The following TTC34 variants were observed in gnomAD, a reference collection of about 807,000 sequenced individuals.
TTC34 encodes tetratricopeptide repeat domain 34.
Under a neutral mutation model 40.7 loss-of-function variants are expected in TTC34, and 44 were observed. The observed-to-expected ratio is 1.08, with a 90% CI of 0.85 to 1.39. TTC34 has a LOEUF of 1.39. TTC34 is among the 40% of genes most tolerant of loss of function. The pLI, the probability that TTC34 is intolerant of heterozygous loss-of-function variation, is 0.00. For synonymous variants in TTC34, 422 were observed against 398.6 expected, an observed-to-expected ratio of 1.06 and a Z score of -0.70; for missense variants, 884 against 838.0, an observed-to-expected ratio of 1.05 and a Z score of -0.68.
At chr1:2,748,811 G>A (rs1361358041) in intron 6 of TTC34, among the ~76,000 whole-genome samples, 2 of 147,142 alleles carry the variant, frequency 1.4e-5, no homozygotes, top group Non-Finnish European at 3.0e-5. Context: ...CCACAGGCGA[G>A]CATCTGACAG....
chr1:2,652,721 C>T (rs1639191865), intron 6 of TTC34, among the ~76,000 whole-genome samples: 1 of 151,848 alleles, frequency 6.6e-6, no homozygotes, highest in South Asian at 2.1e-4. Context: ...GAGGAGCACC[C>T]ACACCCCCAG....
exon 6 of TTC34, chr1:2,783,745 C>T (rs773168240): frequency 9.1e-6 from 14 of 1,537,304 alleles, no homozygotes; most frequent in Admixed American, 4.0e-5. Flanking sequence ...GCAGCGGGCT[C>T]GGGCAAGGAG....
In TTC34 at chr1:2,700,311, C is replaced by G. The variant is rs1199753210; in HGVS notation, c.2227-54748G>C. ...CCCACACCCCCAGGTGAGCATCCGA[C>G]AGTCTGGGGCAGCACCCACTCCCGC... is the stretch of plus-strand genomic sequence containing the variant. On this transcript the variant is annotated intron_variant, in intron 6 of 8. Transcript: ENST00000401095. Among the ~76,000 whole-genome samples, 6 of 107,388 alleles carry G rather than the reference C, an allele frequency of 5.6e-5. 1 individual carries two copies. Among genetic ancestry groups the G allele is most frequent in the Admixed American group, 1.0e-4 (1 of 9,638 alleles). The allele number at this position is 107,388 out of a possible 152,430, so 70.5% of individuals were successfully genotyped here. A position where few individuals can be genotyped will look rare whatever the true frequency, so the allele number is the denominator to read the frequency against.
intron 6 of TTC34, among the ~76,000 whole-genome samples, chr1:2,765,773 A>G (rs1641771294): frequency 2.8e-4 from 9 of 32,636 alleles, no homozygotes; most frequent in Admixed American, 6.7e-4. Flanking sequence ...TGAGCATGTG[A>G]CAGCCTGGAG....
chr1:2,686,157 A>G lies in TTC34; in HGVS notation c.2227-40594T>C, dbSNP rs1345755663. Among the ~76,000 whole-genome samples the G allele has an allele frequency of 2.3e-5, 3 of 128,770 alleles. 1 individual carries two copies. Among genetic ancestry groups the G allele is most frequent in the African/African-American group, 9.9e-5 (3 of 30,430 alleles). The allele number at this position is 128,770 out of a possible 152,430, so 84.5% of individuals were successfully genotyped here. A position where few individuals can be genotyped will look rare whatever the true frequency, so the allele number is the denominator to read the frequency against. ...CATCTGATGGTCTGGAGCAGCACGC[A>G]TAACCACAGGTGAACATCGGAGAGT... On this transcript the variant is annotated intron_variant, in intron 6 of 8. Transcript: ENST00000401095.
intron 6 of TTC34, among the ~76,000 whole-genome samples, chr1:2,694,340 G>A (rs1004808473): frequency 7.6e-6 from 1 of 131,486 alleles, no homozygotes; most frequent in Non-Finnish European, 1.6e-5. Flanking sequence ...GCCTGGAACA[G>A]CACCCACACT....
intron 6 of TTC34, among the ~76,000 whole-genome samples, chr1:2,695,901 G>A: frequency 7.0e-6 from 1 of 142,658 alleles, no homozygotes; most frequent in African/African-American, 2.6e-5. Context: ...TGACAGCCTG[G>A]GTCGGCACCC....
chr1:2,692,052 A>G (rs1308386498), intron 6 of TTC34, among the ~76,000 whole-genome samples: 317 of 89,262 alleles, frequency 3.6e-3, no homozygotes, highest in Middle Eastern at 6.8e-3. Context: ...ACAGCCTGGA[A>G]CAGCACCCAC....
intron 6 of TTC34, among the ~76,000 whole-genome samples, chr1:2,750,526 C>G (rs1418979121): frequency 8.6e-5 from 5 of 57,878 alleles, no homozygotes; most frequent in African/African-American, 1.9e-4. Context: ...CACCCACATC[C>G]CCAAGCGAGC....
At chr1:2,791,843 C>T (rs758118036) in intron 2 of TTC34, among the ~76,000 whole-genome samples, 6 of 151,836 alleles carry the variant, frequency 4.0e-5, no homozygotes, top group Admixed American at 2.6e-4. Flanking sequence ...GTTACACACA[C>T]GAGACTTTGA....
intron 6 of TTC34, among the ~76,000 whole-genome samples, chr1:2,651,222 G>A (rs1557583497): frequency 6.6e-6 from 1 of 151,696 alleles, no homozygotes; most frequent in Non-Finnish European, 1.5e-5. Context: ...TGCCTGGAAC[G>A]GCACTCACAC....
At chr1:2,643,678 CAGCACCG>C (rs1218458301) in intron 8 of TTC34, among the ~76,000 whole-genome samples, 1 of 152,206 alleles carries the variant, frequency 6.6e-6, no homozygotes, top group East Asian at 1.9e-4. Context: ...GCCCCCTCTG[CAGCACCG>C]AACTGCCCCT....
chr1:2,752,190 G>A (rs1445018220), intron 6 of TTC34, among the ~76,000 whole-genome samples: 3 of 120,780 alleles, frequency 2.5e-5, no homozygotes, highest in African/African-American at 7.3e-5. Flanking sequence ...GCATCTGACA[G>A]CCTGGAACAG....
At chr1:2,793,610 A>C (rs1336129776) in intron 2 of TTC34, among the ~76,000 whole-genome samples, 1 of 152,216 alleles carries the variant, frequency 6.6e-6, no homozygotes, top group African/African-American at 2.4e-5. Flanking sequence ...AAATGCAGCA[A>C]TTTCCACCTG....
In TTC34 at chr1:2,750,418, C is replaced by G. The variant is rs1248848702; in HGVS notation, c.2226+33191G>C. ...CAGCACGCACACCCCCAGGTGCGCA[C>G]GTGACAGCCTGTAACAGCACCCACA... On this transcript the variant is annotated intron_variant, in intron 6 of 8. Coordinates refer to ENST00000401095, the Ensembl canonical transcript of TTC34. Among the ~76,000 whole-genome samples the G allele has an allele frequency of 5.6e-5, 3 of 53,128 alleles. 1 individual carries two copies. Among genetic ancestry groups the G allele is most frequent in the Non-Finnish European group, 1.0e-4 (3 of 29,680 alleles). The allele number at this position is 53,128 out of a possible 152,430, so 34.9% of individuals were successfully genotyped here. A position where few individuals can be genotyped will look rare whatever the true frequency, so the allele number is the denominator to read the frequency against.
intron 6 of TTC34, among the ~76,000 whole-genome samples, chr1:2,674,822 T>G (rs1300218906): frequency 1.5e-5 from 1 of 66,958 alleles, no homozygotes. Flanking sequence ...CATCTGATTG[T>G]CTGGAGCAGC....
intron 2 of TTC34, among the ~76,000 whole-genome samples, chr1:2,794,963 A>G: frequency 6.6e-6 from 1 of 151,866 alleles, no homozygotes; most frequent in Non-Finnish European, 1.5e-5. Context: ...ATGCATCAAA[A>G]CTGATGTTTT....
chr1:2,684,433 G>C (rs1342638145), intron 6 of TTC34, among the ~76,000 whole-genome samples: 1 of 77,802 alleles, frequency 1.3e-5, no homozygotes. Context: ...ACACCACCCT[G>C]CACCCCCAGG....
chr1:2,791,546 G>A (rs1391307156), intron 2 of TTC34, among the ~76,000 whole-genome samples: 3 of 152,180 alleles, frequency 2.0e-5, no homozygotes, highest in Non-Finnish European at 2.9e-5. Context: ...CTGCTGTTGC[G>A]GTAAGCGCCG....
Sources: gnomAD v4.1 joint callset for allele counts (sites outside exome capture counted in the v4.1 genomes callset) on GRCh38, gnomAD v4.1.1 for gene constraint, MANE v1.5 for transcripts, NCBI Gene and HGNC (gene_info 2026-07-23, HGNC 2026-07-21) for gene names.